PCDHA7: variants seen among roughly 807,000 people sequenced by gnomAD.
PCDHA7 encodes the protein protocadherin alpha-7.
A neutral mutation model predicts 57.2 loss-of-function variants in PCDHA7; 37 were observed. The observed-to-expected ratio is 0.65, with a 90% CI of 0.50 to 0.85. PCDHA7 has a LOEUF of 0.85. PCDHA7 is among the 40% of genes least tolerant of loss of function. The pLI, the probability that PCDHA7 is intolerant of heterozygous loss-of-function variation, is 0.00. For missense variants in PCDHA7, 1,188 were observed against 1,241.8 expected (o/e 0.96, Z 0.65); for synonymous variants, 553 against 558.8 (o/e 0.99, Z 0.15).
In PCDHA7 at chr5:140,869,946, A is replaced by G. The variant is rs557838493; in HGVS notation, c.2355+33208A>G. 13 of 1,612,442 alleles carry G rather than the reference A, an allele frequency of 8.1e-6. No individual in the cohort carries two copies. In the African/African-American group the frequency reaches 9.3e-5, roughly 12 times the overall value. ...TCAATGGAGAGGTAACATACTCCTTAATGTCAATTAAGCCCAATGGAAGAC... is the reference window on the plus strand; with the variant it reads ...TCAATGGAGAGGTAACATACTCCTTGATGTCAATTAAGCCCAATGGAAGAC... On this transcript the variant is annotated intron_variant, in intron 1 of 3. Transcript: ENST00000525929.
chr5:140,957,100 T>C (rs2095333217), intron 1 of PCDHA7, among the ~76,000 whole-genome samples: 1 of 152,328 alleles, frequency 6.6e-6, no homozygotes, highest in Non-Finnish European at 1.5e-5. Flanking sequence ...AATATTGCTA[T>C]GGACATGATT....
chr5:140,883,162 C>T, intron 1 of PCDHA7: 2 of 1,613,808 alleles, frequency 1.2e-6, no homozygotes, highest in Non-Finnish European at 1.7e-6. Flanking sequence ...TAAATCCGAA[C>T]AATGGAGAAA....
Position 141,009,873 on chromosome 5 carries a change from A to C in PCDHA7, c.2750A>C (p.Lys917Thr), listed in dbSNP as rs782413551. The C allele has an allele frequency of 1.2e-6, 2 of 1,613,916 alleles. No homozygotes were observed. The highest frequency in any genetic ancestry group is 2.7e-5 in the African/African-American group (2 of 74,862). The change falls in exon 4 of 4, where the codon AAG (lysine) becomes ACG (threonine). Residue 917 changes from lysine to threonine, a missense_variant. Lys to Thr is a moderately conservative substitution (Grantham distance 78). Transcript: ENST00000525929. ...ACCAAGAAAAAGAAGAAAAAGAAGA[A>C]GGGTAACAAGACCCAGGAGAAAAAA... ...EETKKKKKKK[K>T]GNKTQEKKEK...
At chr5:141,001,476 G>A (rs1554258187) in intron 3 of PCDHA7, among the ~76,000 whole-genome samples, 1 of 152,226 alleles carries the variant, frequency 6.6e-6, no homozygotes, top group Admixed American at 6.5e-5. Flanking sequence ...CAGCAGCGGG[G>A]AAGTGCTGGA....
rs1234453098 is a variant in PCDHA7, at chr5:141,010,058, C to A, written c.*121C>A. 2 of 1,600,982 alleles carry A rather than the reference C, an allele frequency of 1.2e-6. No homozygotes were observed. The highest frequency in any genetic ancestry group is 1.7e-6 in the Non-Finnish European group (2 of 1,173,736). Reference sequence around the variant, plus strand: ...GAGCCCTCTTAGAGACCTCAGAAATCTGCAGAAAGTTCCCTGTGTCTGTCT... The same window carrying A: ...GAGCCCTCTTAGAGACCTCAGAAATATGCAGAAAGTTCCCTGTGTCTGTCT... On this transcript the variant is annotated 3_prime_UTR_variant, in exon 4 of 4. Transcript: ENST00000525929.
At chr5:140,969,010 A>C (rs782688503) in intron 1 of PCDHA7, 2 of 1,614,168 alleles carry the variant, frequency 1.2e-6, no homozygotes, top group Admixed American at 3.3e-5. Context: ...TCTGTGGAGT[A>C]AGGGAAAGGT....
chr5:140,938,485 T>C (rs2092087482), intron 1 of PCDHA7, among the ~76,000 whole-genome samples: 2 of 152,170 alleles, frequency 1.3e-5, no homozygotes, highest in African/African-American at 4.8e-5. Context: ...TTAAAAATCA[T>C]GAATAGGCAT....
chr5:140,950,515 C>T lies in PCDHA7; in HGVS notation c.2356-28434C>T, dbSNP rs144121614. 1.4e-3 allele frequency among the ~76,000 whole-genome samples: 220 copies of T among 151,996 alleles called. 1 individual carries two copies. The highest frequency in any genetic ancestry group is 4.9e-3 in the African/African-American group (204 of 41,490). On this transcript the variant is annotated intron_variant, in intron 1 of 3. Transcript: ENST00000525929. The stretch of plus-strand genomic sequence containing the variant: ...CATTTAAGTCATTATTCCCTGTGTG[C>T]GATATGATTGTTTTTGTTGCTCTTG...
At chr5:140,884,603 T>A in intron 1 of PCDHA7, 4 of 1,614,132 alleles carry the variant, frequency 2.5e-6, no homozygotes, top group Non-Finnish European at 3.4e-6. Flanking sequence ...CCTTCCTCCT[T>A]GTCTGGGTTC....
At chr5:140,863,220 G>C in intron 1 of PCDHA7, 1 of 1,115,318 alleles carries the variant, frequency 9.0e-7, no homozygotes, top group African/African-American at 1.6e-5. Flanking sequence ...GCCAAGCGAG[G>C]AAGGTCCCAT....
chr5:140,861,413 G>T (rs189790760), intron 1 of PCDHA7: 3 of 474,952 alleles, frequency 6.3e-6, no homozygotes, highest in Non-Finnish European at 1.3e-5. Flanking sequence ...AGCTGATACC[G>T]CGCCTGTTTC....
At chr5:141,006,222 T>C (rs1463720721) in intron 3 of PCDHA7, among the ~76,000 whole-genome samples, 1 of 152,098 alleles carries the variant, frequency 6.6e-6, no homozygotes, top group Non-Finnish European at 1.5e-5. Flanking sequence ...TTTTAAATTT[T>C]TTATTTTTAG....
At chr5:140,839,380 TATG>T (rs2150297142) in intron 1 of PCDHA7, among the ~76,000 whole-genome samples, 147,881 of 151,388 alleles carry the variant, frequency 0.98, 72,191 homozygotes, top group East Asian at 1. Flanking sequence ...CATCAATTAT[TATG>T]ATGATGATGA....
At chr5:140,947,635 G>A (rs1170525936) in intron 1 of PCDHA7, among the ~76,000 whole-genome samples, 1 of 151,538 alleles carries the variant, frequency 6.6e-6, no homozygotes, top group African/African-American at 2.4e-5. Context: ...TCATCAGATC[G>A]TATGAACATA....
rs544594142 is a variant in PCDHA7, at chr5:141,011,456, T to C, written c.*1519T>C. On this transcript the variant is annotated 3_prime_UTR_variant, in exon 4 of 4. Transcript: ENST00000525929. Reference sequence around the variant, plus strand: ...TACCTAGAGTGAACTTTAAGCTTTATTGTTGAATGTAATTCCATTATATTT... The same window carrying C: ...TACCTAGAGTGAACTTTAAGCTTTACTGTTGAATGTAATTCCATTATATTT... The C allele has an allele frequency of 1.3e-5, 2 of 153,928 alleles. No homozygotes were observed. The highest frequency in any genetic ancestry group is 6.8e-3 in the Middle Eastern group (2 of 292). 9.5% of individuals were successfully genotyped at this position (153,928 alleles called of 1,614,324 possible).
At position 141,009,895 on chromosome 5, in the gene PCDHA7, A is replaced by G; in HGVS notation, c.2772A>G (p.Lys924=). ...AGAAGGGTAACAAGACCCAGGAGAA[A>G]AAAGAGAAAGGGAACAGCACGACTG... ...KKKKGNKTQE[K]KEKGNSTTDN... The change falls in exon 4 of 4, where the codon AAA becomes AAG. Residue 924 remains lysine (K), a synonymous_variant. Coordinates refer to ENST00000525929, the MANE Select transcript of PCDHA7 (RefSeq NM_018910.3). 2 of 1,613,224 alleles carry G rather than the reference A, an allele frequency of 1.2e-6. No homozygotes were observed. Among genetic ancestry groups the G allele is most frequent in the Non-Finnish European group, 1.7e-6 (2 of 1,179,866 alleles).
chr5:140,869,719 C>T, intron 1 of PCDHA7: 1 of 1,613,314 alleles, frequency 6.2e-7, no homozygotes, highest in Admixed American at 1.7e-5. Flanking sequence ...AGAGAAAACT[C>T]CGGAACTTAA....
At chr5:140,870,870 G>T in intron 1 of PCDHA7, 1 of 1,613,948 alleles carries the variant, frequency 6.2e-7, no homozygotes, top group African/African-American at 1.3e-5. Flanking sequence ...CGGGCCACGT[G>T]GTGGCGAAGG....
At chr5:140,894,569 CT>C (rs556288790) in intron 1 of PCDHA7, among the ~76,000 whole-genome samples, 1 of 151,328 alleles carries the variant, frequency 6.6e-6, no homozygotes, top group Non-Finnish European at 1.5e-5. Flanking sequence ...AATTATTTTC[CT>C]TTTTTTTAAT....
Sources: gnomAD v4.1 joint callset for allele counts (sites outside exome capture counted in the v4.1 genomes callset) on GRCh38, gnomAD v4.1.1 for gene constraint, MANE v1.5 for transcripts, NCBI Gene and HGNC (gene_info 2026-07-23, HGNC 2026-07-21) for gene names.